Variants in KIF5B observed in about 807,000 individuals in gnomAD.
The protein encoded by KIF5B is kinesin-1 heavy chain.
In KIF5B, 49 loss-of-function variants were observed where a neutral mutation model predicts 132.8. The ratio of observed to expected loss-of-function variants is 0.37; its 90% CI spans 0.29 to 0.47. The LOEUF is 0.47. Ranked by LOEUF, KIF5B falls within the 20% of genes least tolerant of loss-of-function variation. KIF5B has a pLI of 1.00. For synonymous variants in KIF5B, 355 were observed against 369.4 expected (o/e 0.96, Z 0.45); for missense variants, 780 against 1,144.0 (o/e 0.68, Z 4.59).
intron 1 of KIF5B, among the ~76,000 whole-genome samples, chr10:32,052,935 G>C (rs1841712005): frequency 6.6e-6 from 1 of 152,078 alleles, no homozygotes; most frequent in Non-Finnish European, 1.5e-5. Context: ...AAAAAGTTTA[G>C]ACAAAGTATT....
intron 16 of KIF5B, 99 bp downstream of exon 16, chr10:32,022,749 T>A: frequency 1.2e-6 from 1 of 815,290 alleles, no homozygotes; most frequent in Non-Finnish European, 1.9e-6. Context: ...ACAACTAAAT[T>A]TCACCTATAG....
chr10:32,026,861 A>G (rs1291773925), intron 15 of KIF5B, among the ~76,000 whole-genome samples: 2 of 152,218 alleles, frequency 1.3e-5, no homozygotes, highest in Non-Finnish European at 2.9e-5. Flanking sequence ...TAAACAGAAT[A>G]GGGCCGAAAT....
chr10:32,055,226 T>G (rs542537651), intron 1 of KIF5B, among the ~76,000 whole-genome samples: 3 of 152,142 alleles, frequency 2.0e-5, no homozygotes, highest in Non-Finnish European at 2.9e-5. Context: ...AATCATCGAT[T>G]TGCCATTTGT....
intron 19 of KIF5B, 68 bp downstream of exon 19, chr10:32,020,954 A>G (rs748316671): frequency 3.9e-6 from 3 of 771,686 alleles, no homozygotes; most frequent in East Asian, 2.6e-5. Flanking sequence ...CAGGTTTCTA[A>G]TAAGAATATA....
intron 1 of KIF5B, among the ~76,000 whole-genome samples, chr10:32,050,789 T>G (rs577322789): frequency 6.6e-6 from 1 of 152,316 alleles, no homozygotes; most frequent in African/African-American, 2.4e-5. Flanking sequence ...CAATTAACAT[T>G]CAATTCTACA....
At chr10:32,046,817 A>G (rs1358652506) in intron 2 of KIF5B, among the ~76,000 whole-genome samples, 1 of 152,184 alleles carries the variant, frequency 6.6e-6, no homozygotes, top group Non-Finnish European at 1.5e-5. Context: ...TCAAGTAGAG[A>G]TACTAATCAA....
rs953084512 is a variant in KIF5B, at chr10:32,040,554, TA to T, written c.215-98del. 2,128 of 655,294 alleles carry T rather than the reference TA, an allele frequency of 3.2e-3. 3 individuals carry two copies. Among genetic ancestry groups the T allele is most frequent in the South Asian group, 6.3e-3 (361 of 56,920 alleles). The allele number at this position is 655,294 out of a possible 1,614,324, so 40.6% of individuals were successfully genotyped here. On this transcript the variant is annotated intron_variant, in intron 2 of 25. Coordinates refer to ENST00000302418, the MANE Select transcript of KIF5B (RefSeq NM_004521.3). ...CAGGATGACAGGGTAGAGAAAAGGT[TA>T]AAAAAAAAATTACTTAATGTTACAG...
chr10:32,038,296 C>G (rs1841487175), intron 5 of KIF5B, 78 bp from the exon 6 acceptor site: 1 of 981,412 alleles, frequency 1.0e-6, no homozygotes, highest in Non-Finnish European at 1.6e-6. Context: ...ATAGGCTTTC[C>G]TGAGCAGCCT....
intron 2 of KIF5B, among the ~76,000 whole-genome samples, chr10:32,041,793 T>C (rs765289442): frequency 3.9e-5 from 6 of 152,040 alleles, no homozygotes; most frequent in Non-Finnish European, 5.9e-5. Context: ...TGGCTAATTC[T>C]AAAAAAAATT....
At chr10:32,052,356 A>G (rs1254123725) in intron 1 of KIF5B, among the ~76,000 whole-genome samples, 2 of 152,236 alleles carry the variant, frequency 1.3e-5, no homozygotes, top group Non-Finnish European at 2.9e-5. Context: ...TTCAAACACC[A>G]AATCATTCAC....
In KIF5B at chr10:32,030,490, G is replaced by A. The variant is rs1331565318; in HGVS notation, c.1581+583C>T. On this transcript the variant is annotated intron_variant, in intron 14 of 25. Coordinates refer to ENST00000302418, the MANE Select transcript of KIF5B (RefSeq NM_004521.3). ...AGATTGCGCCATTGCACTCCAGCCT[G>A]GGCAACCAGAGTGAAACTTTGTCTC... 2.0e-5 allele frequency among the ~76,000 whole-genome samples: 3 copies of A among 151,356 alleles called. No individual in the cohort carries two copies. In the East Asian group the frequency reaches 5.8e-4, roughly 29 times the overall value.
At chr10:32,043,826 C>G (rs955210157) in intron 2 of KIF5B, among the ~76,000 whole-genome samples, 1 of 152,106 alleles carries the variant, frequency 6.6e-6, no homozygotes, top group Non-Finnish European at 1.5e-5. Context: ...GTCGGGGACC[C>G]AGAGAGTACT....
intron 3 of KIF5B, 67 bp from the exon 4 acceptor site, chr10:32,039,498 C>A: frequency 6.8e-6 from 5 of 738,642 alleles, no homozygotes; most frequent in South Asian, 3.4e-5. Flanking sequence ...CAAAGAGTTT[C>A]AATCTACAAC....
In KIF5B at chr10:32,039,416, G is replaced by T. The variant is rs781770474; in HGVS notation, c.304C>A (p.Pro102Thr). The change falls in exon 4 of 26, where the codon CCA becomes ACA. Residue 102 changes from proline to threonine, a missense_variant. Physicochemically the swap from Pro to Thr is conservative, Grantham distance 38. Around this residue, in one of 9 missense-constraint regions of KIF5B, gnomAD observed 15 missense variants for 48.5 expected, o/e 0.31. Coordinates refer to ENST00000302418, the MANE Select transcript of KIF5B (RefSeq NM_004521.3). ...CTTGGAATAATTCCCATGCCTTCTGGATCATGAAGTTTACCCTAAACAAAA... is the reference window on the plus strand; with the variant it reads ...CTTGGAATAATTCCCATGCCTTCTGTATCATGAAGTTTACCCTAAACAAAA... ...THTMEGKLHD[P>T]EGMGIIPRIV... 2.0e-6 allele frequency: 3 copies of T among 1,491,416 alleles called. No individual in the cohort carries two copies. The Admixed American group carries it at 6.2e-5, about 31-fold the overall frequency. The allele number at this position is 1,491,416 out of a possible 1,614,324, so 92.4% of individuals were successfully genotyped here. A position where few individuals can be genotyped will look rare whatever the true frequency, so the allele number is the denominator to read the frequency against.
At chr10:32,045,875 G>A (rs923286784) in intron 2 of KIF5B, among the ~76,000 whole-genome samples, 26 of 152,136 alleles carry the variant, frequency 1.7e-4, no homozygotes, top group African/African-American at 6.3e-4. Flanking sequence ...TCTGAAGTTG[G>A]CTGAATACCC....
intron 19 of KIF5B, 143 bp from the exon 20 acceptor site, chr10:32,020,102 G>A: frequency 1.8e-6 from 1 of 563,322 alleles, no homozygotes; most frequent in South Asian, 2.7e-5. Flanking sequence ...AAAGAGGAAA[G>A]GGACCTGGCT....
At chr10:32,028,359 CTA>C in intron 15 of KIF5B, 67 bp downstream of exon 15, 1 of 1,252,108 alleles carries the variant, frequency 8.0e-7, no homozygotes, top group Non-Finnish European at 1.1e-6. Flanking sequence ...ACTTTACAAA[CTA>C]TTAGTAGTAA....
At chr10:32,031,774 G>A (rs543448815) in intron 13 of KIF5B, among the ~76,000 whole-genome samples, 38 of 149,322 alleles carry the variant, frequency 2.5e-4, no homozygotes, top group South Asian at 1.5e-3. Context: ...CGAGGCGGGC[G>A]GATCACAAGG....
chr10:32,013,807 CA>C (rs1358897758), intron 25 of KIF5B, among the ~76,000 whole-genome samples: 2 of 152,190 alleles, frequency 1.3e-5, no homozygotes, highest in African/African-American at 4.8e-5. Flanking sequence ...TTTATCTGCT[CA>C]AGTTCATAAA....
Sources: allele counts gnomAD v4.1 joint callset (sites outside exome capture counted in the v4.1 genomes callset), GRCh38; gene constraint gnomAD v4.1.1; regional missense constraint gnomAD v4.1.1; transcripts MANE v1.5; gene names NCBI Gene and HGNC (gene_info 2026-07-23, HGNC 2026-07-21).